Variants in MAPKBP1 observed in about 807,000 individuals in gnomAD.
MAPKBP1 encodes mitogen-activated protein kinase binding protein 1.
Under a neutral mutation model 170.5 loss-of-function variants are expected in MAPKBP1, and 71 were observed. The observed-to-expected ratio is 0.42, with a 90% confidence interval of 0.34 to 0.51. The LOEUF (loss-of-function observed/expected upper bound fraction) is 0.51. Ranked by LOEUF, MAPKBP1 falls within the 20% of genes least tolerant of loss-of-function variation. The pLI is 0.06. For synonymous variants in MAPKBP1, 719 were observed against 757.9 expected (o/e 0.95, Z 0.84); for missense variants, 1,598 against 1,933.0 (o/e 0.83, Z 3.25).
chr15:41,774,621 G>C lies in MAPKBP1; in HGVS notation c.-110+11G>C. The C allele has an allele frequency of 2.5e-6, 1 of 398,790 alleles. No individual in the cohort carries two copies. The highest frequency in any genetic ancestry group is 4.4e-6 in the Non-Finnish European group (1 of 226,172). 24.7% of individuals were successfully genotyped at this position (398,790 alleles called of 1,614,324 possible). ...AGCTCGCCGAGGCTGGTGAGGCTGG[G>C]CCCGAACGGGGGCGCTGACGAGTAG... On this transcript the variant is annotated intron_variant, in intron 1 of 30. Transcript: ENST00000457542.
At chr15:41,793,348 G>A (rs979864948) in intron 2 of MAPKBP1, among the ~76,000 whole-genome samples, 4 of 152,104 alleles carry the variant, frequency 2.6e-5, no homozygotes, top group African/African-American at 4.8e-5. Flanking sequence ...TTAGCCGGAC[G>A]TGGTGGCATG....
chr15:41,780,842 G>C (rs749235608), intron 2 of MAPKBP1, among the ~76,000 whole-genome samples: 1 of 151,732 alleles, frequency 6.6e-6, no homozygotes, highest in African/African-American at 2.4e-5. Context: ...GATTTTTAGC[G>C]TTGGTATTTT....
At position 41,823,295 on chromosome 15, in the gene MAPKBP1, G is replaced by A. The variant is rs1179663874; in HGVS notation, c.3598+73G>A. On this transcript the variant is annotated intron_variant, in intron 28 of 30. Coordinates refer to ENST00000457542, the MANE Select transcript of MAPKBP1 (RefSeq NM_014994.3). ...ACATGTACATGCTGGAGGAGGGAGG[G>A]CCTGGTGTGGCCCTGATGTGCCACT... 3.2e-6 allele frequency: 5 copies of A among 1,561,980 alleles called. No homozygotes were observed. The African/African-American group carries it at 6.7e-5, about 21-fold the overall frequency.
rs1400559015 is a variant in MAPKBP1 at position 41,817,986 on chromosome 15, GAA to G, written c.1905-21_1905-20del. 1 of 1,612,878 alleles carries G rather than the reference GAA, an allele frequency of 6.2e-7. No homozygotes were observed. The highest frequency in any genetic ancestry group is 2.2e-5 in the East Asian group (1 of 44,890). ...TTCCACCTTCACCGCCTCCTCATGA[GAA>G]AGAGACTATGTTTCTTACAGGATAT... On this transcript the variant is annotated intron_variant, in intron 16 of 30. Coordinates refer to ENST00000457542, the MANE Select transcript of MAPKBP1 (RefSeq NM_014994.3). This position sits in a 1 kb window ranked among gnomAD's most constrained non-coding sequence, Gnocchi z 4.2.
chr15:41,823,719 G>T lies in MAPKBP1; in HGVS notation c.3871G>T (p.Val1291Phe). 1 of 1,614,134 alleles carries T rather than the reference G, an allele frequency of 6.2e-7. No individual in the cohort carries two copies. The highest frequency in any genetic ancestry group is 8.5e-7 in the Non-Finnish European group (1 of 1,180,032). The change falls in exon 29 of 31, where the codon GTC (valine) becomes TTC (phenylalanine). Residue 1291 changes from valine to phenylalanine, a missense_variant. Physicochemically the swap from Val to Phe is conservative, Grantham distance 50. This residue lies in a region of MAPKBP1 where 942 missense variants were observed against 953.2 expected (regional missense o/e 0.99). Coordinates refer to ENST00000457542, the MANE Select transcript of MAPKBP1 (RefSeq NM_014994.3). Reference sequence around the variant, plus strand: ...GGCCCTGCCCAGCCGGGCTCACCTGGTCCTGGACATCCCCAAACCACTGCC... The same window carrying T: ...GGCCCTGCCCAGCCGGGCTCACCTGTTCCTGGACATCCCCAAACCACTGCC... ...KLALPSRAHL[V>F]LDIPKPLPDR...
chr15:41,825,406 C>T lies in MAPKBP1; in HGVS notation c.4497C>T (p.Ala1499=), dbSNP rs1040048514. ...LEQYSELLLR[A]VERRMERKL ...AATACTCAGAACTGTTGCTTCGAGC[C>T]GTGGAACGGCGTATGGAACGCAAAC... Residue 1499 remains alanine, a synonymous_variant, in exon 31 of 31, where the codon GCC becomes GCT. Transcript: ENST00000457542. The T allele has an allele frequency of 1.2e-5, 19 of 1,612,222 alleles. No individual in the cohort carries two copies. Among genetic ancestry groups the T allele is most frequent in the Middle Eastern group, 1.6e-4 (1 of 6,078 alleles).
chr15:41,813,832 G>C, intron 9 of MAPKBP1, 51 bp downstream of exon 9: 1 of 1,521,622 alleles, frequency 6.6e-7, no homozygotes, highest in Non-Finnish European at 8.8e-7. Flanking sequence ...CCCCTGCCCA[G>C]TCTTTCTTGT....
At chr15:41,794,340 G>A (rs1428350864) in intron 2 of MAPKBP1, among the ~76,000 whole-genome samples, 1 of 152,184 alleles carries the variant, frequency 6.6e-6, no homozygotes, top group Admixed American at 6.5e-5. Flanking sequence ...GAGAGAAGTG[G>A]GGATGTGAGT....
chr15:41,812,782 C>A (rs866657803), intron 7 of MAPKBP1, 129 bp downstream of exon 7: 3 of 1,446,620 alleles, frequency 2.1e-6, no homozygotes, highest in Non-Finnish European at 1.8e-6. Flanking sequence ...TTTGGATGAG[C>A]CAGATGCTGT....
In MAPKBP1 at chr15:41,822,210, C is replaced by G. The variant is rs74356888; in HGVS notation, c.3032-15C>G. 6.2e-6 allele frequency: 10 copies of G among 1,608,270 alleles called. No homozygotes were observed. Among genetic ancestry groups the G allele is most frequent in the Non-Finnish European group, 8.5e-6 (10 of 1,176,188 alleles). ...TGGGTGCAGTGCGATGCCTCTCTCC[C>G]CTCCCCACACCCAGACTCTGAGAGC... On this transcript the variant is annotated splice_polypyrimidine_tract_variant and intron_variant, in intron 25 of 30. Coordinates refer to ENST00000457542, the MANE Select transcript of MAPKBP1 (RefSeq NM_014994.3).
chr15:41,786,570 G>C (rs181558607), intron 2 of MAPKBP1, among the ~76,000 whole-genome samples: 5,057 of 150,864 alleles, frequency 0.034, 299 homozygotes, highest in Admixed American at 0.13. Context: ...AGAGACCATT[G>C]TGGCTAACAC....
At chr15:41,812,279 G>T in intron 6 of MAPKBP1, 152 bp downstream of exon 6, 1 of 1,248,962 alleles carries the variant, frequency 8.0e-7, no homozygotes, top group Non-Finnish European at 1.1e-6. Context: ...GCAACTGTGT[G>T]GCCAAGCATG....
intron 2 of MAPKBP1, among the ~76,000 whole-genome samples, chr15:41,783,322 A>G (rs1375454107): frequency 6.6e-6 from 1 of 152,170 alleles, no homozygotes; most frequent in Non-Finnish European, 1.5e-5. Flanking sequence ...TGTGGAGAGT[A>G]GCTGGTGGAA....
chr15:41,816,262 T>G, intron 12 of MAPKBP1: 2 of 436,442 alleles, frequency 4.6e-6, no homozygotes, highest in Non-Finnish European at 8.2e-6. Flanking sequence ...GGATCTAGAG[T>G]CAAGAAAAAG....
In MAPKBP1 at chr15:41,792,028, C is replaced by T. The variant is rs114234375; in HGVS notation, c.115-7795C>T. Reference sequence around the variant, plus strand: ...CGAGATCGTGCCATTGCAGTCTAGCCTGGGTAACAAGAGTAAAACTCCATC... The same window carrying T: ...CGAGATCGTGCCATTGCAGTCTAGCTTGGGTAACAAGAGTAAAACTCCATC... On this transcript the variant is annotated intron_variant, in intron 2 of 30. Transcript: ENST00000457542. 6.8e-3 allele frequency among the ~76,000 whole-genome samples: 1,016 copies of T among 149,902 alleles called. 12 individuals carry two copies. The highest frequency in any genetic ancestry group is 0.024 in the African/African-American group (985 of 40,402).
At chr15:41,807,914 C>T (rs918292324) in intron 3 of MAPKBP1, among the ~76,000 whole-genome samples, 6 of 151,600 alleles carry the variant, frequency 4.0e-5, no homozygotes, top group Non-Finnish European at 8.8e-5. Context: ...TGATGGGTGC[C>T]TGTAATCCCA....
rs557925691 is a variant in MAPKBP1, at chr15:41,775,112, T to C, written c.-109-55T>C. On this transcript the variant is annotated intron_variant, in intron 1 of 30. Transcript: ENST00000457542. Reference sequence around the variant, plus strand: ...ATACCCAGAGGTAAAAGCTGCAGACTTCGCTAGGCAGAAGGTAAGACACTG... The same window carrying C: ...ATACCCAGAGGTAAAAGCTGCAGACCTCGCTAGGCAGAAGGTAAGACACTG... 75 of 612,482 alleles carry C rather than the reference T, an allele frequency of 1.2e-4. No individual in the cohort carries two copies. The African/African-American group carries it at 1.3e-3, about 11-fold the overall frequency. 37.9% of individuals were successfully genotyped at this position (612,482 alleles called of 1,614,324 possible). A position where few individuals can be genotyped will look rare whatever the true frequency, so the allele number is the denominator to read the frequency against.
At position 41,811,163 on chromosome 15, in the gene MAPKBP1, C is replaced by A. The variant is rs1423117111; in HGVS notation, c.270-15C>A. The A allele has an allele frequency of 1.1e-5, 17 of 1,613,990 alleles. No homozygotes were observed. The highest frequency in any genetic ancestry group is 1.4e-5 in the Non-Finnish European group (17 of 1,179,950). On this transcript the variant is annotated splice_polypyrimidine_tract_variant and intron_variant, in intron 4 of 30. Transcript: ENST00000457542. The stretch of plus-strand genomic sequence containing the variant: ...GGCTGCCAGTGCCCCTCTGAGCCTG[C>A]CCCATCTCTTGCAGGAAAACCATCA...
chr15:41,824,209 C>G, intron 29 of MAPKBP1, 148 bp downstream of exon 29: 1 of 1,130,152 alleles, frequency 8.8e-7, no homozygotes, highest in Non-Finnish European at 1.2e-6. Context: ...GTAAGTCACA[C>G]CCCTGATGGT....
Sources: allele counts gnomAD v4.1 joint callset (sites outside exome capture counted in the v4.1 genomes callset), GRCh38; gene constraint gnomAD v4.1.1; regional missense constraint gnomAD v4.1.1; non-coding constraint Gnocchi (gnomAD v3.1); transcripts MANE v1.5; gene names NCBI Gene and HGNC (gene_info 2026-07-23, HGNC 2026-07-21).